The following ADGRV1 variants were observed in gnomAD, a reference collection of about 807,000 sequenced individuals.
The protein encoded by ADGRV1 is G-protein coupled receptor 98.
In ADGRV1, 359 loss-of-function variants were observed where a neutral mutation model predicts 596.2. The observed-to-expected ratio is 0.60, with a 90% CI of 0.55 to 0.66. The LOEUF is 0.66. ADGRV1 is among the 30% of genes least tolerant of loss of function. ADGRV1 has a pLI of 0.00. For synonymous variants in ADGRV1, 2,681 were observed against 2,679.2 expected (o/e 1.00, Z -0.02); for missense variants, 7,274 against 7,575.6 (o/e 0.96, Z 1.48).
At chr5:90,890,961 G>T (rs1176467583) in intron 83 of ADGRV1, among the ~76,000 whole-genome samples, 1 of 151,604 alleles carries the variant, frequency 6.6e-6, no homozygotes, top group East Asian at 1.9e-4. Flanking sequence ...AATATACTTT[G>T]TACAAAACAA....
At chr5:90,851,669 T>C (rs1487861358) in intron 79 of ADGRV1, among the ~76,000 whole-genome samples, 2 of 152,184 alleles carry the variant, frequency 1.3e-5, no homozygotes, top group Admixed American at 1.3e-4. Context: ...GTTTTCCCCC[T>C]CATATCAACT....
chr5:90,706,233 G>A lies in ADGRV1; in HGVS notation c.8569G>A (p.Ala2857Thr), dbSNP rs367583983. 3.1e-5 allele frequency: 49 copies of A among 1,602,188 alleles called. No individual in the cohort carries two copies. Among genetic ancestry groups the A allele is most frequent in the Non-Finnish European group, 4.0e-5 (47 of 1,176,428 alleles). ...FINREFGSLG[A>T]INVTYTTVPG... ...ATTTTTGCAACCTATTCAATTAGGA[G>A]CTATCAATGTCACATATACCACGGT... The change falls in exon 38 of 90, where the codon GCT becomes ACT. Residue 2857 changes from alanine (A) to threonine (T), a missense_variant and splice_region_variant. Transcript: ENST00000405460.
Position 90,840,718 on chromosome 5 carries a change from G to C in ADGRV1, c.16752G>C (p.Glu5584Asp), listed in dbSNP as rs746339981. 6.2e-7 allele frequency: 1 copy of C among 1,614,018 alleles called. No individual in the cohort carries two copies. Among genetic ancestry groups the C allele is most frequent in the Non-Finnish European group, 8.5e-7 (1 of 1,179,892 alleles). The change falls in exon 78 of 90, where the codon GAG (glutamate) becomes GAC (aspartate). Residue 5584 changes from glutamate to aspartate, a missense_variant. Glu to Asp is a conservative substitution (Grantham distance 45). Transcript: ENST00000405460. The part of the protein sequence containing the change: ...STVLDVILTP[E>D]TGSLNSFPKR... The stretch of plus-strand genomic sequence containing the variant: ...TATTGGATGTCATCCTAACGCCAGA[G>C]ACAGGATCTTTAAATTCATTTCCTA...
chr5:90,836,645 C>A (rs1404780669), intron 77 of ADGRV1, among the ~76,000 whole-genome samples: 1 of 152,118 alleles, frequency 6.6e-6, no homozygotes, highest in African/African-American at 2.4e-5. Context: ...TGAAAATGTT[C>A]TGTCTCTTGA....
At chr5:90,893,089 T>C (rs1221998210) in intron 83 of ADGRV1, among the ~76,000 whole-genome samples, 1 of 151,932 alleles carries the variant, frequency 6.6e-6, no homozygotes, top group East Asian at 1.9e-4. Context: ...TGCTAGGGAG[T>C]TTTGGCTTCT....
Position 90,929,281 on chromosome 5 carries a change from G to A in ADGRV1, c.17857-36134G>A, listed in dbSNP as rs537503663. Reference sequence around the variant, plus strand: ...TCAGACTGCTGTGCTAGCAATCAGCGAGACTCCATGGGTGTAGGACCCTCC... The same window carrying A: ...TCAGACTGCTGTGCTAGCAATCAGCAAGACTCCATGGGTGTAGGACCCTCC... On this transcript the variant is annotated intron_variant, in intron 83 of 89. Transcript: ENST00000405460. 1.6e-3 allele frequency: 244 copies of A among 154,116 alleles called. 1 individual carries two copies. The highest frequency in any genetic ancestry group is 6.4e-3 in the Middle Eastern group (2 of 314). The allele number at this position is 154,116 out of a possible 1,614,324, so 9.5% of individuals were successfully genotyped here.
At position 90,692,629 on chromosome 5, in the gene ADGRV1, G is replaced by T; in HGVS notation, c.6976G>T (p.Ala2326Ser). ...GGTTATCCAAGTGCAACTAACTGAT[G>T]CCTCTGGTGGAGGTACTATTGGGTT... ...EEVIQVQLTD[A>S]SGGGTIGLDR... is the part of the protein sequence containing the mutation. Residue 2326 changes from alanine (A) to serine (S), a missense_variant, in exon 32 of 90, where the codon GCC becomes TCC. Physicochemically the swap from Ala to Ser is moderately conservative, Grantham distance 99. Coordinates refer to ENST00000405460, the MANE Select transcript of ADGRV1 (RefSeq NM_032119.4). 1 of 1,609,704 alleles carries T rather than the reference G, an allele frequency of 6.2e-7. No homozygotes were observed. Among genetic ancestry groups the T allele is most frequent in the Non-Finnish European group, 8.5e-7 (1 of 1,178,142 alleles).
intron 85 of ADGRV1, among the ~76,000 whole-genome samples, chr5:91,044,801 G>C (rs1233880979): frequency 6.6e-6 from 1 of 152,118 alleles, no homozygotes; most frequent in African/African-American, 2.4e-5. Context: ...GTACCAGTAT[G>C]CTTAGCATTG....
In ADGRV1 at chr5:90,859,700, A is replaced by C. The variant is rs557153712; in HGVS notation, c.17755+3799A>C. 2.6e-5 allele frequency among the ~76,000 whole-genome samples: 4 copies of C among 152,262 alleles called. No individual in the cohort carries two copies. The East Asian group carries it at 7.7e-4, about 29-fold the overall frequency. ...TTCCAGGTTGATGGGGATATTTTAC[A>C]CTGTCTAGTGTGGTAGCCACTAGTC... On this transcript the variant is annotated intron_variant, in intron 82 of 89. Transcript: ENST00000405460.
intron 27 of ADGRV1, among the ~76,000 whole-genome samples, chr5:90,683,345 G>T (rs1315499669): frequency 6.6e-6 from 1 of 151,864 alleles, no homozygotes; most frequent in East Asian, 1.9e-4. Flanking sequence ...TGAATAACTG[G>T]GACTACAGGC....
At chr5:90,781,189 A>C in intron 64 of ADGRV1, 1 of 486,930 alleles carries the variant, frequency 2.1e-6, no homozygotes, top group Non-Finnish European at 3.7e-6. Context: ...AAGTTTAGTA[A>C]CTTTATATTA....
chr5:90,606,563 G>A (rs957282037), intron 1 of ADGRV1, among the ~76,000 whole-genome samples: 4 of 152,120 alleles, frequency 2.6e-5, no homozygotes, highest in African/African-American at 9.7e-5. Flanking sequence ...GTAGACATTC[G>A]TGTTGGGAAT....
rs771810874 is a variant in ADGRV1, at chr5:90,863,740, C to G, written c.17756-17C>G. On this transcript the variant is annotated splice_polypyrimidine_tract_variant and intron_variant, in intron 82 of 89. Transcript: ENST00000405460. The stretch of plus-strand genomic sequence containing the variant: ...CATGGATTATTAAACCATATGTGGA[C>G]TTTTTTGTTCCTACAGGTCTTTGCT... The G allele has an allele frequency of 2.3e-5, 37 of 1,575,982 alleles. No individual in the cohort carries two copies. Among genetic ancestry groups the G allele is most frequent in the Non-Finnish European group, 3.2e-5 (37 of 1,145,704 alleles).
At chr5:90,792,474 G>C (rs1760192686) in intron 70 of ADGRV1, 1 of 152,196 alleles carries the variant, frequency 6.6e-6, no homozygotes, top group Non-Finnish European at 1.5e-5. Context: ...TTCTTAGTGA[G>C]ACATGGGTTT....
intron 70 of ADGRV1, among the ~76,000 whole-genome samples, chr5:90,796,749 G>A (rs1056826403): frequency 2.6e-5 from 4 of 152,166 alleles, no homozygotes. Context: ...ACAAAGGGAA[G>A]CCCATCAGAC....
At chr5:90,690,616 A>G (rs186102599) in intron 30 of ADGRV1, among the ~76,000 whole-genome samples, 181 bp from the exon 31 acceptor site, 1 of 152,274 alleles carries the variant, frequency 6.6e-6, no homozygotes, top group East Asian at 1.9e-4. Flanking sequence ...GTGAAAAATA[A>G]TTTGGAAATT....
At chr5:91,015,302 A>G (rs1051567749) in intron 85 of ADGRV1, among the ~76,000 whole-genome samples, 16 of 152,196 alleles carry the variant, frequency 1.1e-4, no homozygotes, top group African/African-American at 3.8e-4. Context: ...ATGTCCAATT[A>G]TGTGGTAGAT....
intron 87 of ADGRV1, among the ~76,000 whole-genome samples, chr5:91,140,004 T>A (rs549464195): frequency 2.6e-5 from 4 of 152,210 alleles, no homozygotes; most frequent in Non-Finnish European, 5.9e-5. Context: ...GTTCATGTCC[T>A]CCAGCTGTGT....
intron 85 of ADGRV1, among the ~76,000 whole-genome samples, chr5:90,992,251 A>G (rs1015417672): frequency 3.3e-5 from 5 of 152,200 alleles, no homozygotes; most frequent in African/African-American, 1.2e-4. Flanking sequence ...AACTCCTTCA[A>G]ATTTTTATTC....
Sources: gnomAD v4.1 joint callset for allele counts (sites outside exome capture counted in the v4.1 genomes callset) on GRCh38, gnomAD v4.1.1 for gene constraint, MANE v1.5 for transcripts, NCBI Gene and HGNC (gene_info 2026-07-23, HGNC 2026-07-21) for gene names.